The following RBFOX1 variants were observed in gnomAD, a reference collection of about 807,000 sequenced individuals.
The protein encoded by RBFOX1 is RNA binding fox-1 homolog 1.
RBFOX1 carries 8 observed loss-of-function variants against 57.7 expected under a neutral mutation model. The observed-to-expected ratio is 0.14, with a 90% CI of 0.08 to 0.25. The LOEUF (loss-of-function observed/expected upper bound fraction) is 0.25, where lower values mean the gene tolerates loss of function less well. Ranked by LOEUF, RBFOX1 falls within the 10% of genes least tolerant of loss-of-function variation. The pLI is 1.00. For synonymous variants in RBFOX1, 326 were observed against 222.4 expected (o/e 1.47, Z -4.15); for missense variants, 611 against 548.5 (o/e 1.11, Z -1.14).
intron 1 of RBFOX1, among the ~76,000 whole-genome samples, chr16:6,143,675 C>A (rs1259214359): frequency 1.3e-5 from 2 of 152,044 alleles, no homozygotes; most frequent in Non-Finnish European, 2.9e-5. Context: ...TTTAGGGACT[C>A]CAGGATGGTG....
chr16:7,162,374 T>C (rs2078507769), intron 4 of RBFOX1, among the ~76,000 whole-genome samples: 1 of 152,028 alleles, frequency 6.6e-6, no homozygotes, highest in African/African-American at 2.4e-5. Flanking sequence ...ATCACAGTAA[T>C]TCTATAAATA....
chr16:6,989,453 G>T (rs1160838596), intron 3 of RBFOX1, among the ~76,000 whole-genome samples: 1 of 151,888 alleles, frequency 6.6e-6, no homozygotes, highest in African/African-American at 2.4e-5. Flanking sequence ...CCCACATATT[G>T]GTACCTGTAA....
chr16:6,858,037 CA>C (rs1185751272), intron 3 of RBFOX1, among the ~76,000 whole-genome samples: 2 of 152,320 alleles, frequency 1.3e-5, no homozygotes, highest in East Asian at 3.9e-4. Flanking sequence ...CTTCTACTCA[CA>C]AATGTTCATC....
At chr16:7,602,585 T>A (rs775792104) in intron 9 of RBFOX1, among the ~76,000 whole-genome samples, 15 of 152,292 alleles carry the variant, frequency 9.8e-5, no homozygotes, top group Non-Finnish European at 5.9e-5. Context: ...TCCAGCAGGG[T>A]TATCCCAAGG....
intron 2 of RBFOX1, among the ~76,000 whole-genome samples, chr16:6,533,906 TA>T (rs2096698213): frequency 6.6e-6 from 1 of 151,866 alleles, no homozygotes; most frequent in Non-Finnish European, 1.5e-5. Flanking sequence ...CTTTGTCCCA[TA>T]AAAAGACATT....
rs143543825 is a variant in RBFOX1 at position 6,036,693 on chromosome 16, C to T, written c.-127+16701C>T. ...CTGTGAGAGATAGGGACAAATACAA[C>T]ACGTCTCCTATTTCCTCTTCTGAGA... On this transcript the variant is annotated intron_variant, in intron 1 of 15. Transcript: ENST00000550418. Among the ~76,000 whole-genome samples the T allele has an allele frequency of 3.5e-3, 534 of 152,262 alleles. 4 individuals carry two copies. Among genetic ancestry groups the T allele is most frequent in the African/African-American group, 0.012 (518 of 41,546 alleles).
intron 5 of RBFOX1, among the ~76,000 whole-genome samples, chr16:7,573,841 A>C (rs1419140873): frequency 6.6e-6 from 1 of 151,972 alleles, no homozygotes; most frequent in African/African-American, 2.4e-5. Context: ...TCTCAAAAAA[A>C]AAAAGAGGTC....
chr16:5,582,217 G>A (rs1567256747), intron 2 of RBFOX1, among the ~76,000 whole-genome samples: 1 of 152,186 alleles, frequency 6.6e-6, no homozygotes, highest in Non-Finnish European at 1.5e-5. Context: ...AGTGAGGCTG[G>A]GGTAGCGACA....
chr16:6,909,794 C>T (rs1596921344), intron 3 of RBFOX1, among the ~76,000 whole-genome samples: 1 of 152,100 alleles, frequency 6.6e-6, no homozygotes, highest in African/African-American at 2.4e-5. Context: ...TTATTACCTG[C>T]AGCCATCGGT....
At chr16:5,750,272 C>A (rs1283846177) in intron 3 of RBFOX1, among the ~76,000 whole-genome samples, 2 of 152,164 alleles carry the variant, frequency 1.3e-5, no homozygotes, top group Non-Finnish European at 2.9e-5. Flanking sequence ...GTCAGTCTGC[C>A]CCTACTGTGG....
intron 1 of RBFOX1, among the ~76,000 whole-genome samples, chr16:6,211,299 G>T (rs540309375): frequency 1.5e-5 from 2 of 135,912 alleles, no homozygotes; most frequent in Non-Finnish European, 3.1e-5. Context: ...CACGATCTCC[G>T]CTCACTGCAA....
chr16:6,314,700 A>G (rs937619879), intron 1 of RBFOX1, among the ~76,000 whole-genome samples: 47 of 152,176 alleles, frequency 3.1e-4, no homozygotes, highest in Non-Finnish European at 7.3e-5. Flanking sequence ...TGACCATGGT[A>G]GCTATTATTT....
chr16:6,665,417 C>T (rs1018869043), intron 3 of RBFOX1, among the ~76,000 whole-genome samples: 2 of 152,074 alleles, frequency 1.3e-5, no homozygotes, highest in African/African-American at 4.8e-5. Context: ...AGTTGGAGAC[C>T]AGCCAGGACA....
chr16:7,558,394 A>C (rs1158757671), intron 5 of RBFOX1, among the ~76,000 whole-genome samples: 17 of 152,068 alleles, frequency 1.1e-4, no homozygotes. Context: ...GCACACACTC[A>C]CACACATATA....
chr16:6,623,223 G>A (rs1373000091), intron 2 of RBFOX1, among the ~76,000 whole-genome samples: 2 of 152,098 alleles, frequency 1.3e-5, no homozygotes, highest in African/African-American at 4.8e-5. Flanking sequence ...GTCAATTTGA[G>A]ATTATCTGGG....
intron 3 of RBFOX1, among the ~76,000 whole-genome samples, chr16:7,029,077 TATATACACACAC>T (rs1235866673): frequency 2.2e-5 from 1 of 44,590 alleles, no homozygotes; most frequent in African/African-American, 2.6e-4. Flanking sequence ...TATATATATA[TATATACACACAC>T]ACACACACAC....
At chr16:7,017,995 A>C (rs1344400417) in intron 3 of RBFOX1, among the ~76,000 whole-genome samples, 1 of 152,160 alleles carries the variant, frequency 6.6e-6, no homozygotes, top group African/African-American at 2.4e-5. Context: ...GTCTTCAGGG[A>C]ATGGAATTTT....
chr16:6,294,473 C>T (rs1345774509), intron 1 of RBFOX1, among the ~76,000 whole-genome samples: 2 of 152,228 alleles, frequency 1.3e-5, no homozygotes, highest in African/African-American at 2.4e-5. Context: ...GATAATCTCA[C>T]TTGCAGTTTG....
intron 4 of RBFOX1, among the ~76,000 whole-genome samples, chr16:7,447,310 G>A (rs2150085798): frequency 6.6e-6 from 1 of 151,600 alleles, no homozygotes; most frequent in East Asian, 2.0e-4. Context: ...GCACACACCT[G>A]TTATCCTAGC....
Sources: allele counts gnomAD v4.1 joint callset (sites outside exome capture counted in the v4.1 genomes callset), GRCh38; gene constraint gnomAD v4.1.1; transcripts MANE v1.5; gene names NCBI Gene and HGNC (gene_info 2026-07-23, HGNC 2026-07-21).